RAPGEF4: variants seen among roughly 807,000 people sequenced by gnomAD.
The protein encoded by RAPGEF4 is Rap guanine nucleotide exchange factor 4, also known as RAP guanine-nucleotide-exchange factor (GEF) 4.
RAPGEF4 carries 66 observed loss-of-function variants against 147.9 expected under a neutral mutation model. That is an observed-to-expected ratio of 0.45 (90% confidence interval 0.37 to 0.55). RAPGEF4 has a LOEUF of 0.55. Ranked by LOEUF, RAPGEF4 falls within the 20% of genes least tolerant of loss-of-function variation. RAPGEF4 has a pLI of 0.00. For synonymous variants in RAPGEF4, 419 were observed against 442.7 expected (o/e 0.95, Z 0.67); for missense variants, 1,071 against 1,257.3 (o/e 0.85, Z 2.24).
chr2:173,042,634 G>A lies in RAPGEF4; in HGVS notation c.2853+5942G>A, dbSNP rs939661498. Among the ~76,000 whole-genome samples the A allele has an allele frequency of 3.3e-5, 5 of 150,646 alleles. No homozygotes were observed. The highest frequency in any genetic ancestry group is 5.9e-5 in the Non-Finnish European group (4 of 67,780). On this transcript the variant is annotated intron_variant, in intron 29 of 30. Coordinates refer to ENST00000397081, the MANE Select transcript of RAPGEF4 (RefSeq NM_007023.4). This position sits in a 1 kb window ranked among gnomAD's most constrained non-coding sequence, Gnocchi z 4.2. ...TAAGACTCCAAATCAAAAAAAAAAA[G>A]GGAAAGAAAATTGGATTAACCAAAA...
intron 4 of RAPGEF4, among the ~76,000 whole-genome samples, chr2:172,878,382 G>A (rs1388617127): frequency 1.3e-5 from 2 of 152,122 alleles, no homozygotes; most frequent in East Asian, 1.9e-4. Context: ...GTATCCAGAA[G>A]GATTCTCTGT....
At chr2:172,914,141 G>A (rs757023771) in intron 4 of RAPGEF4, among the ~76,000 whole-genome samples, 25 of 151,852 alleles carry the variant, frequency 1.6e-4, no homozygotes, top group African/African-American at 5.6e-4. Flanking sequence ...ACCCATCATC[G>A]TCTCAGAAAA....
At chr2:172,806,583 T>C (rs1292917012) in intron 3 of RAPGEF4, among the ~76,000 whole-genome samples, 1 of 152,198 alleles carries the variant, frequency 6.6e-6, no homozygotes, top group East Asian at 1.9e-4. Flanking sequence ...ATGACTGCAA[T>C]GCTGTTGTTT....
chr2:172,903,862 A>T (rs1446894380), intron 4 of RAPGEF4, among the ~76,000 whole-genome samples: 1 of 152,168 alleles, frequency 6.6e-6, no homozygotes, highest in Non-Finnish European at 1.5e-5. Flanking sequence ...GCCAGAAGGG[A>T]TGCCTCTGCA....
At chr2:172,948,736 A>C (rs987012735) in intron 6 of RAPGEF4, among the ~76,000 whole-genome samples, 5 of 152,168 alleles carry the variant, frequency 3.3e-5, no homozygotes, top group African/African-American at 1.2e-4. Context: ...TCTCACTTTA[A>C]GTGGAAGCTA....
chr2:173,001,035 G>C (rs544706024), intron 16 of RAPGEF4, among the ~76,000 whole-genome samples: 14 of 152,000 alleles, frequency 9.2e-5, no homozygotes, highest in African/African-American at 3.1e-4. Flanking sequence ...TTTGTACAAG[G>C]CTGTCTCTCT....
chr2:172,996,332 G>T, intron 15 of RAPGEF4, 134 bp from the exon 16 acceptor site: 1 of 484,800 alleles, frequency 2.1e-6, no homozygotes, highest in Non-Finnish European at 3.6e-6. Context: ...AAAGTGTGTG[G>T]TCTCTCTTAC....
At chr2:173,027,771 T>C (rs1363406895) in intron 25 of RAPGEF4, among the ~76,000 whole-genome samples, 3 of 152,228 alleles carry the variant, frequency 2.0e-5, no homozygotes, top group Non-Finnish European at 2.9e-5. Flanking sequence ...ATCTATCTTA[T>C]AAATATTCTA....
intron 3 of RAPGEF4, among the ~76,000 whole-genome samples, chr2:172,813,833 A>G (rs372096258): frequency 6.6e-6 from 1 of 152,196 alleles, no homozygotes; most frequent in Non-Finnish European, 1.5e-5. Context: ...CAGCAGGAGG[A>G]TGATAAGCAA....
intron 4 of RAPGEF4, among the ~76,000 whole-genome samples, chr2:172,851,386 G>A (rs1012691529): frequency 4.6e-5 from 7 of 152,090 alleles, no homozygotes; most frequent in East Asian, 1.9e-4. Flanking sequence ...TATATGCCAC[G>A]TGCAGATGAG....
intron 1 of RAPGEF4, among the ~76,000 whole-genome samples, chr2:172,790,365 A>T (rs1685678405): frequency 1.3e-5 from 2 of 152,176 alleles, no homozygotes; most frequent in African/African-American, 4.8e-5. Context: ...AACATGTTTT[A>T]AAAATGAAAG....
chr2:172,817,903 T>TTA (rs199874683), intron 4 of RAPGEF4, among the ~76,000 whole-genome samples: 1,612 of 144,500 alleles, frequency 0.011, 17 homozygotes, highest in African/African-American at 0.032. Flanking sequence ...TATATCACAA[T>TTA]TATATATATA....
chr2:172,994,997 T>C (rs1693190608), intron 15 of RAPGEF4, among the ~76,000 whole-genome samples: 1 of 152,186 alleles, frequency 6.6e-6, no homozygotes, highest in Admixed American at 6.5e-5. Flanking sequence ...ATAGACTGCA[T>C]TGGCCACCTC....
intron 1 of RAPGEF4, among the ~76,000 whole-genome samples, chr2:172,794,464 A>G (rs1359803780): frequency 1.3e-5 from 2 of 152,172 alleles, no homozygotes; most frequent in African/African-American, 4.8e-5. Context: ...ACAGAAAACT[A>G]AGAAGAAGGA....
intron 17 of RAPGEF4, among the ~76,000 whole-genome samples, chr2:173,005,527 T>TTTTG (rs1559178772): frequency 7.4e-6 from 1 of 134,346 alleles, no homozygotes; most frequent in South Asian, 2.5e-4. Context: ...TGTGTTTTTT[T>TTTTG]TTTTTTTTTT....
chr2:173,051,728 A>G lies in RAPGEF4; in HGVS notation c.2997A>G (p.Leu999=). 1 of 1,614,114 alleles carries G rather than the reference A, an allele frequency of 6.2e-7. No homozygotes were observed. Among genetic ancestry groups the G allele is most frequent in the Non-Finnish European group, 8.5e-7 (1 of 1,179,956 alleles). The change falls in exon 31 of 31, where the codon TTA becomes TTG. Residue 999 remains leucine, a synonymous_variant. Transcript: ENST00000397081. ...QLNVIDNQRT[L]SQMSHRLEPR... is the part of the protein sequence containing the mutation. ...ATGTGATTGACAACCAGAGAACTTT[A>G]TCACAGATGTCACACAGATTAGAGC...
intron 4 of RAPGEF4, among the ~76,000 whole-genome samples, chr2:172,892,878 C>T (rs1660766847): frequency 6.6e-6 from 1 of 152,218 alleles, no homozygotes; most frequent in South Asian, 2.1e-4. Flanking sequence ...GGCTAGCATG[C>T]ATATATGGCA....
At chr2:172,758,453 C>T (rs530167910) in intron 1 of RAPGEF4, among the ~76,000 whole-genome samples, 9 of 152,068 alleles carry the variant, frequency 5.9e-5, no homozygotes, top group East Asian at 1.9e-4. Flanking sequence ...ATGACTGCAA[C>T]GTTGAAAAGA....
At chr2:172,881,287 A>G (rs985188959) in intron 4 of RAPGEF4, among the ~76,000 whole-genome samples, 2 of 152,190 alleles carry the variant, frequency 1.3e-5, no homozygotes, top group Non-Finnish European at 2.9e-5. Flanking sequence ...TGGGAATCAG[A>G]CTACCAAGTA....
Sources: gnomAD v4.1 joint callset for allele counts (sites outside exome capture counted in the v4.1 genomes callset) on GRCh38, gnomAD v4.1.1 for gene constraint, Gnocchi (gnomAD v3.1) non-coding constraint, MANE v1.5 for transcripts, NCBI Gene and HGNC (gene_info 2026-07-23, HGNC 2026-07-21) for gene names.